RIMS4: variants seen among roughly 807,000 people sequenced by gnomAD.
RIMS4 encodes regulating synaptic membrane exocytosis 4, also known as regulating synaptic membrane exocytosis protein 4.
A neutral mutation model predicts 29.0 loss-of-function variants in RIMS4; 9 were observed. The ratio of observed to expected loss-of-function variants is 0.31; its 90% CI spans 0.19 to 0.54. The LOEUF is 0.54. Among genes scored for constraint, RIMS4 ranks in the 20% least tolerant of loss-of-function variants. The pLI is 0.94. For synonymous variants in RIMS4, 130 were observed against 152.9 expected, an observed-to-expected ratio of 0.85 and a Z score of 1.10; for missense variants, 193 against 365.7, an observed-to-expected ratio of 0.53 and a Z score of 3.85.
chr20:44,771,986 C>T (rs1318579231), intron 1 of RIMS4, among the ~76,000 whole-genome samples: 2 of 152,138 alleles, frequency 1.3e-5, no homozygotes, highest in Non-Finnish European at 2.9e-5. Flanking sequence ...AAAAATCACC[C>T]TTGATTGAGG....
intron 1 of RIMS4, among the ~76,000 whole-genome samples, chr20:44,809,758 GT>G: frequency 6.6e-6 from 1 of 152,062 alleles, no homozygotes; most frequent in Non-Finnish European, 1.5e-5. Context: ...GAGAGGTAAG[GT>G]CTGCGCGCCA....
chr20:44,797,813 C>A (rs1411465185), intron 1 of RIMS4, among the ~76,000 whole-genome samples: 1 of 152,208 alleles, frequency 6.6e-6, no homozygotes, highest in Non-Finnish European at 1.5e-5. Flanking sequence ...CCAGTCAGAG[C>A]CTTGCCATGT....
At chr20:44,798,241 C>T (rs1204425746) in intron 1 of RIMS4, among the ~76,000 whole-genome samples, 1 of 152,216 alleles carries the variant, frequency 6.6e-6, no homozygotes, top group Non-Finnish European at 1.5e-5. Context: ...GCATGAGATA[C>T]ATGTATATAT....
At chr20:44,809,921 G>C (rs1298887051) in intron 1 of RIMS4, among the ~76,000 whole-genome samples, 1 of 152,036 alleles carries the variant, frequency 6.6e-6, no homozygotes, top group South Asian at 2.1e-4. Flanking sequence ...GGTGAGGAGG[G>C]AGATGGGTCC....
At chr20:44,793,363 A>T (rs963643477) in intron 1 of RIMS4, among the ~76,000 whole-genome samples, 3 of 152,224 alleles carry the variant, frequency 2.0e-5, no homozygotes, top group African/African-American at 7.2e-5. Context: ...AGGACAGCTC[A>T]AATTTAGAAT....
chr20:44,786,572 T>G (rs2066209637), intron 1 of RIMS4, among the ~76,000 whole-genome samples: 1 of 152,224 alleles, frequency 6.6e-6, no homozygotes, highest in Non-Finnish European at 1.5e-5. Flanking sequence ...TCTTCTAGTC[T>G]AGGGTGGAAG....
rs1245055673 is a variant in RIMS4 at position 44,810,420 on chromosome 20, TGGCGGGCGCGGCGGGGCC to T, written c.-167_-150del. 1 of 144,570 alleles carries T rather than the reference TGGCGGGCGCGGCGGGGCC, an allele frequency of 6.9e-6. No individual in the cohort carries two copies. Among genetic ancestry groups the T allele is most frequent in the Admixed American group, 7.0e-5 (1 of 14,272 alleles). 9.0% of individuals were successfully genotyped at this position (144,570 alleles called of 1,614,324 possible). ...CCGGGCCGAGGCTCCGCTGCGGGGCTGGCGGGCGCGGCGGGGCCGGCGGGCGGGCCAGGAGCTGGCGGC... is the reference window on the plus strand; with the variant it reads ...CCGGGCCGAGGCTCCGCTGCGGGGCTGGCGGGCGGGCCAGGAGCTGGCGGC... On this transcript the variant is annotated 5_prime_UTR_variant, in exon 1 of 6. Coordinates refer to ENST00000372851, the MANE Select transcript of RIMS4 (RefSeq NM_182970.4).
At chr20:44,774,595 G>A (rs1394146710) in intron 1 of RIMS4, among the ~76,000 whole-genome samples, 3 of 152,152 alleles carry the variant, frequency 2.0e-5, no homozygotes, top group Non-Finnish European at 4.4e-5. Flanking sequence ...CTTGCAGACT[G>A]CCTATTGTGG....
intron 1 of RIMS4, among the ~76,000 whole-genome samples, chr20:44,795,395 G>A (rs931961805): frequency 6.6e-6 from 1 of 152,146 alleles, no homozygotes; most frequent in Non-Finnish European, 1.5e-5. Context: ...CAGCACTTTG[G>A]GAGGCTGAGG....
intron 1 of RIMS4, among the ~76,000 whole-genome samples, chr20:44,779,575 T>C (rs1218343252): frequency 6.6e-6 from 1 of 152,264 alleles, no homozygotes; most frequent in Non-Finnish European, 1.5e-5. Flanking sequence ...TTCATTGCAG[T>C]TCATTCATTC....
chr20:44,792,095 G>T (rs186756212), intron 1 of RIMS4, among the ~76,000 whole-genome samples: 239 of 152,126 alleles, frequency 1.6e-3, no homozygotes, highest in African/African-American at 5.3e-3. Context: ...TATCTGCTCT[G>T]CTTGTCTTTC....
At chr20:44,763,476 C>A (rs1472919623) in intron 2 of RIMS4, among the ~76,000 whole-genome samples, 2 of 152,222 alleles carry the variant, frequency 1.3e-5, no homozygotes, top group Non-Finnish European at 2.9e-5. Flanking sequence ...AGATTCTAGA[C>A]CTGTTAGTAA....
At position 44,756,055 on chromosome 20, in the gene RIMS4, T is replaced by G. The variant is rs1008413658; in HGVS notation, c.*79A>C. 107 of 1,127,162 alleles carry G rather than the reference T, an allele frequency of 9.5e-5. No individual in the cohort carries two copies. Among genetic ancestry groups the G allele is most frequent in the Non-Finnish European group, 1.3e-4 (101 of 774,204 alleles). The allele number at this position is 1,127,162 out of a possible 1,614,324, so 69.8% of individuals were successfully genotyped here. On this transcript the variant is annotated 3_prime_UTR_variant, in exon 6 of 6. Coordinates refer to ENST00000372851, the MANE Select transcript of RIMS4 (RefSeq NM_182970.4). The surrounding 1 kb of genome is among the most constrained non-coding windows in gnomAD (Gnocchi z 5.9). ...GGGAGAGCCCCGTCCTCCTGTTCAATGTGCCCCTGGGCCTGGGGTCCCAGG... is the reference window on the plus strand; with the variant it reads ...GGGAGAGCCCCGTCCTCCTGTTCAAGGTGCCCCTGGGCCTGGGGTCCCAGG...
At chr20:44,790,474 T>C (rs1200143678) in intron 1 of RIMS4, among the ~76,000 whole-genome samples, 1 of 152,190 alleles carries the variant, frequency 6.6e-6, no homozygotes, top group African/African-American at 2.4e-5. Context: ...AAGCCTCCCC[T>C]GATTCCCAGA....
chr20:44,773,100 T>G (rs141916772), intron 1 of RIMS4, among the ~76,000 whole-genome samples: 1 of 152,298 alleles, frequency 6.6e-6, no homozygotes, highest in East Asian at 1.9e-4. Flanking sequence ...CACAGTAAGA[T>G]GCATGCAAAG....
Position 44,752,306 on chromosome 20 carries a change from T to G in RIMS4, c.*3828A>C, listed in dbSNP as rs1352617994. 6.6e-6 allele frequency: 1 copy of G among 152,142 alleles called. No homozygotes were observed. The highest frequency in any genetic ancestry group is 1.5e-5 in the Non-Finnish European group (1 of 68,050). 9.4% of individuals were successfully genotyped at this position (152,142 alleles called of 1,614,324 possible). On this transcript the variant is annotated 3_prime_UTR_variant, in exon 6 of 6. Coordinates refer to ENST00000372851, the MANE Select transcript of RIMS4 (RefSeq NM_182970.4). The stretch of plus-strand genomic sequence containing the variant: ...CTGCTGCTCAATAAATAAATGCAGG[T>G]GACCTTGCCTGACGCAACAGCTGTG...
intron 1 of RIMS4, among the ~76,000 whole-genome samples, chr20:44,785,576 C>A (rs943686973): frequency 3.3e-5 from 5 of 152,052 alleles, no homozygotes; most frequent in Non-Finnish European, 7.4e-5. Context: ...AAAGAGGATG[C>A]AACAGGGGAT....
In RIMS4 at chr20:44,795,369, C is replaced by T. The variant is rs777996893; in HGVS notation, c.97+14806G>A. On this transcript the variant is annotated intron_variant, in intron 1 of 5. Transcript: ENST00000372851. Reference sequence around the variant, plus strand: ...AGGGATAGCCAGCCAGGCGCAGTGGCTCACGCCTGTAATCCCAGCACTTTG... The same window carrying T: ...AGGGATAGCCAGCCAGGCGCAGTGGTTCACGCCTGTAATCCCAGCACTTTG... 2.0e-4 allele frequency among the ~76,000 whole-genome samples: 30 copies of T among 152,362 alleles called. 1 individual carries two copies. The highest frequency in any genetic ancestry group is 4.4e-4 in the Non-Finnish European group (30 of 68,038).
At chr20:44,776,628 C>T (rs1184504888) in intron 1 of RIMS4, among the ~76,000 whole-genome samples, 1 of 152,168 alleles carries the variant, frequency 6.6e-6, no homozygotes, top group African/African-American at 2.4e-5. Context: ...AATCTCAGGG[C>T]TATGTGAGCA....
Sources: allele counts gnomAD v4.1 joint callset (sites outside exome capture counted in the v4.1 genomes callset), GRCh38; gene constraint gnomAD v4.1.1; non-coding constraint Gnocchi (gnomAD v3.1); transcripts MANE v1.5; gene names NCBI Gene and HGNC (gene_info 2026-07-23, HGNC 2026-07-21).